Variants in CNTNAP2 observed in about 807,000 individuals in gnomAD.
CNTNAP2 encodes the protein contactin-associated protein-like 2.
CNTNAP2 carries 98 observed loss-of-function variants against 155.2 expected under a neutral mutation model. The ratio of observed to expected loss-of-function variants is 0.63; its 90% CI spans 0.54 to 0.75. The LOEUF is 0.75. Among genes scored for constraint, CNTNAP2 ranks in the 30% least tolerant of loss-of-function variants. CNTNAP2 has a pLI of 0.00. For missense variants in CNTNAP2, 1,727 were observed against 1,688.1 expected (o/e 1.02, Z -0.40); for synonymous variants, 651 against 631.2 (o/e 1.03, Z -0.47).
At chr7:146,896,899 T>C (rs1231223589) in intron 3 of CNTNAP2, among the ~76,000 whole-genome samples, 1 of 152,060 alleles carries the variant, frequency 6.6e-6, no homozygotes, top group South Asian at 2.1e-4. Flanking sequence ...ATGAGGGAAA[T>C]TTTAAGATAA....
At chr7:148,359,411 G>T (rs531556098) in intron 21 of CNTNAP2, among the ~76,000 whole-genome samples, 4 of 152,308 alleles carry the variant, frequency 2.6e-5, no homozygotes, top group Non-Finnish European at 4.4e-5. Flanking sequence ...TACTAAATTT[G>T]AAGACATTGT....
At chr7:148,002,164 A>G (rs1801910140) in intron 15 of CNTNAP2, among the ~76,000 whole-genome samples, 1 of 152,214 alleles carries the variant, frequency 6.6e-6, no homozygotes, top group Non-Finnish European at 1.5e-5. Flanking sequence ...CCCAATTTCT[A>G]CAAGATACTT....
chr7:146,307,843 A>C (rs1182979088), intron 1 of CNTNAP2, among the ~76,000 whole-genome samples: 2 of 151,934 alleles, frequency 1.3e-5, no homozygotes, highest in Non-Finnish European at 2.9e-5. Flanking sequence ...GATGGATTAA[A>C]GACTTAAATG....
rs1183369135 is a variant in CNTNAP2, at chr7:146,985,308, A to AATTT, written c.403-58599_403-58598insATTT. On this transcript the variant is annotated intron_variant, in intron 3 of 23. Coordinates refer to ENST00000361727, the MANE Select transcript of CNTNAP2 (RefSeq NM_014141.6). ...CAAAGTGCTTGTGGAAAATGCTTGA[A>AATTT]TTTTTTTTTTTTTTTTTTTTTTTTT... is the stretch of plus-strand genomic sequence containing the variant. Among the ~76,000 whole-genome samples the AATTT allele has an allele frequency of 1.1e-4, 14 of 127,824 alleles. 1 individual carries two copies. The highest frequency in any genetic ancestry group is 1.6e-4 in the Non-Finnish European group (10 of 61,322). 83.9% of individuals were successfully genotyped at this position (127,824 alleles called of 152,430 possible). A position where few individuals can be genotyped will look rare whatever the true frequency, so the allele number is the denominator to read the frequency against.
intron 3 of CNTNAP2, among the ~76,000 whole-genome samples, chr7:146,958,612 A>G (rs1286010284): frequency 6.6e-6 from 1 of 151,690 alleles, no homozygotes; most frequent in Non-Finnish European, 1.5e-5. Flanking sequence ...ACGGGGTTTC[A>G]CCATGTTAGC....
intron 2 of CNTNAP2, among the ~76,000 whole-genome samples, chr7:146,780,650 A>C (rs1802469967): frequency 6.6e-6 from 1 of 152,112 alleles, no homozygotes; most frequent in Non-Finnish European, 1.5e-5. Context: ...GGACTGGATA[A>C]AGAAAATGTG....
intron 8 of CNTNAP2, among the ~76,000 whole-genome samples, chr7:147,273,158 A>C (rs1804798391): frequency 6.6e-6 from 1 of 152,084 alleles, no homozygotes; most frequent in Admixed American, 6.6e-5. Context: ...CACTGAGGAC[A>C]ATCTAAACGG....
chr7:148,415,906 ATTTTGTGTGTGT>A lies in CNTNAP2; in HGVS notation c.*293_*304del. The A allele has an allele frequency of 1.9e-6, 1 of 515,114 alleles. No individual in the cohort carries two copies. Among genetic ancestry groups the A allele is most frequent in the Non-Finnish European group, 3.5e-6 (1 of 289,094 alleles). The allele number at this position is 515,114 out of a possible 1,614,324, so 31.9% of individuals were successfully genotyped here. A position where few individuals can be genotyped will look rare whatever the true frequency, so the allele number is the denominator to read the frequency against. On this transcript the variant is annotated 3_prime_UTR_variant, in exon 24 of 24. Coordinates refer to ENST00000361727, the MANE Select transcript of CNTNAP2 (RefSeq NM_014141.6). ...GAAATTTGTAGGTACTATCTGTCTTATTTTGTGTGTGTTTAGAGGTGTTCTAAAGACCCGTGG... is the reference window on the plus strand; with the variant it reads ...GAAATTTGTAGGTACTATCTGTCTTATTAGAGGTGTTCTAAAGACCCGTGG...
chr7:148,079,733 A>G (rs1803560628), intron 15 of CNTNAP2, among the ~76,000 whole-genome samples: 2 of 152,192 alleles, frequency 1.3e-5, no homozygotes, highest in Admixed American at 1.3e-4. Flanking sequence ...GCTATACTAG[A>G]GTCAGGCTGG....
At chr7:146,995,519 A>G (rs1327677583) in intron 3 of CNTNAP2, among the ~76,000 whole-genome samples, 1 of 152,076 alleles carries the variant, frequency 6.6e-6, no homozygotes, top group African/African-American at 2.4e-5. Flanking sequence ...CTTTCTGATA[A>G]TAGCCATTCT....
intron 1 of CNTNAP2, among the ~76,000 whole-genome samples, chr7:146,226,353 A>G (rs1364847615): frequency 6.6e-6 from 1 of 152,124 alleles, no homozygotes; most frequent in Admixed American, 6.6e-5. Flanking sequence ...TACATCTGCA[A>G]AATTTTAAAA....
intron 4 of CNTNAP2, among the ~76,000 whole-genome samples, chr7:147,091,264 T>G (rs1800396989): frequency 6.6e-6 from 1 of 152,014 alleles, no homozygotes; most frequent in Non-Finnish European, 1.5e-5. Context: ...TGCTCTTCTG[T>G]ATCCTGATGG....
intron 20 of CNTNAP2, among the ~76,000 whole-genome samples, chr7:148,237,787 T>A (rs1022598126): frequency 3.9e-5 from 6 of 152,364 alleles, no homozygotes; most frequent in Admixed American, 1.3e-4. Context: ...CACCAAATGT[T>A]AATTGACGTG....
At chr7:147,278,697 T>G (rs1804959236) in intron 8 of CNTNAP2, among the ~76,000 whole-genome samples, 1 of 151,686 alleles carries the variant, frequency 6.6e-6, no homozygotes, top group Non-Finnish European at 1.5e-5. Flanking sequence ...GCATAATTAT[T>G]GGAAATAAAT....
At chr7:146,654,158 T>C (rs183624748) in intron 1 of CNTNAP2, among the ~76,000 whole-genome samples, 1 of 152,142 alleles carries the variant, frequency 6.6e-6, no homozygotes, top group Admixed American at 6.6e-5. Flanking sequence ...ATAACAATGA[T>C]GGACACGATG....
At chr7:147,747,040 A>G (rs986627655) in intron 13 of CNTNAP2, among the ~76,000 whole-genome samples, 1 of 152,232 alleles carries the variant, frequency 6.6e-6, no homozygotes, top group Non-Finnish European at 1.5e-5. Flanking sequence ...AAAGGGTCAC[A>G]TTTGGCTTTT....
At chr7:147,457,330 A>G (rs1044163425) in intron 10 of CNTNAP2, among the ~76,000 whole-genome samples, 1 of 152,140 alleles carries the variant, frequency 6.6e-6, no homozygotes, top group Non-Finnish European at 1.5e-5. Flanking sequence ...CTTCGACTCA[A>G]TGTGCTTCCA....
intron 1 of CNTNAP2, among the ~76,000 whole-genome samples, chr7:146,285,462 A>G (rs1254173343): frequency 6.6e-6 from 1 of 151,124 alleles, no homozygotes; most frequent in Non-Finnish European, 1.5e-5. Context: ...AAAAATTTGT[A>G]TACCACCGAG....
intron 1 of CNTNAP2, among the ~76,000 whole-genome samples, chr7:146,761,588 T>C (rs559720062): frequency 6.6e-6 from 1 of 152,290 alleles, no homozygotes; most frequent in East Asian, 1.9e-4. Context: ...TTACACTTTA[T>C]TGTGATATTG....
Sources: allele counts gnomAD v4.1 joint callset (sites outside exome capture counted in the v4.1 genomes callset), GRCh38; gene constraint gnomAD v4.1.1; transcripts MANE v1.5; gene names NCBI Gene and HGNC (gene_info 2026-07-23, HGNC 2026-07-21).